SSBP3: variants seen among roughly 807,000 people sequenced by gnomAD.
SSBP3 encodes the protein single stranded DNA binding protein 3.
Under a neutral mutation model 69.6 loss-of-function variants are expected in SSBP3, and 5 were observed. That is an observed-to-expected ratio of 0.07 (90% CI 0.04 to 0.15). The LOEUF (loss-of-function observed/expected upper bound fraction) is 0.15, where lower values mean the gene tolerates loss of function less well. SSBP3 is among the 10% of genes least tolerant of loss of function. The probability of loss-of-function intolerance (pLI) is 1.00; values close to 1 mark genes in which losing one functional copy is unlikely to be tolerated. For synonymous variants in SSBP3, 196 were observed against 193.4 expected (o/e 1.01, Z -0.11); for missense variants, 312 against 534.0 (o/e 0.58, Z 4.10).
At chr1:54,294,600 A>C (rs1569666900) in intron 4 of SSBP3, among the ~76,000 whole-genome samples, 1 of 152,212 alleles carries the variant, frequency 6.6e-6, no homozygotes, top group Admixed American at 6.5e-5. Flanking sequence ...CAGTGGAAGA[A>C]GACAAGACCA....
chr1:54,257,031 C>T (rs1286754843), intron 7 of SSBP3, 96 bp downstream of exon 7: 28 of 1,330,640 alleles, frequency 2.1e-5, no homozygotes, highest in Non-Finnish European at 2.8e-5. Flanking sequence ...CCCTCCACCC[C>T]TCAATCCTTT....
intron 4 of SSBP3, among the ~76,000 whole-genome samples, chr1:54,324,412 G>A (rs1197454744): frequency 1.3e-5 from 2 of 152,092 alleles, no homozygotes; most frequent in Admixed American, 1.3e-4. Context: ...TCTTCCTGAC[G>A]ACAGTCCCCA....
At chr1:54,230,077 G>A (rs1030209791) in intron 14 of SSBP3, among the ~76,000 whole-genome samples, 1 of 152,258 alleles carries the variant, frequency 6.6e-6, no homozygotes, top group Non-Finnish European at 1.5e-5. Context: ...AGGCTACCAA[G>A]TGGGTGGCAG....
chr1:54,307,243 A>G (rs922717302), intron 4 of SSBP3, among the ~76,000 whole-genome samples: 3 of 151,644 alleles, frequency 2.0e-5, no homozygotes, highest in Non-Finnish European at 4.4e-5. Context: ...CTATGGTCCC[A>G]TCATCTTACA....
intron 5 of SSBP3, among the ~76,000 whole-genome samples, chr1:54,259,796 C>T (rs193107094): frequency 1.3e-5 from 2 of 152,300 alleles, no homozygotes; most frequent in South Asian, 2.1e-4. Context: ...CTTGGCCAAG[C>T]GAGGAGCTGC....
intron 5 of SSBP3, among the ~76,000 whole-genome samples, chr1:54,264,416 GCCAC>G (rs1447476149): frequency 6.6e-6 from 1 of 152,218 alleles, no homozygotes; most frequent in East Asian, 1.9e-4. Flanking sequence ...TTCCCCAAAT[GCCAC>G]CCATATTCCT....
At chr1:54,358,969 C>T (rs1295049399) in intron 4 of SSBP3, among the ~76,000 whole-genome samples, 1 of 152,118 alleles carries the variant, frequency 6.6e-6, no homozygotes, top group African/African-American at 2.4e-5. Context: ...CGTCTTCCAC[C>T]CGCCACACTT....
At chr1:54,410,830 TAGTC>T (rs1221303519), upstream of SSBP3, among the ~76,000 whole-genome samples, 2 of 152,158 alleles carry the variant, frequency 1.3e-5, no homozygotes, top group Non-Finnish European at 2.9e-5. Flanking sequence ...ACTAGGCTAT[TAGTC>T]AGTGTTGGCT....
Position 54,401,377 on chromosome 1 carries a change from A to AACAC in SSBP3, c.276+480_276+483dup, listed in dbSNP as rs140889770. ...ATACAGTATGAGCCCACCCACACCA[A>AACAC]ACACACACACACACACACACACACA... On this transcript the variant is annotated intron_variant, in intron 4 of 17. Transcript: ENST00000610401. 2.1e-3 allele frequency among the ~76,000 whole-genome samples: 306 copies of AACAC among 146,972 alleles called. 1 individual carries two copies. The highest frequency in any genetic ancestry group is 6.1e-3 in the African/African-American group (245 of 39,998).
chr1:54,269,546 C>A (rs1234393195), intron 5 of SSBP3, among the ~76,000 whole-genome samples: 1 of 152,156 alleles, frequency 6.6e-6, no homozygotes, highest in African/African-American at 2.4e-5. Flanking sequence ...ATTAATCTAG[C>A]GAATCGGAAC....
upstream of SSBP3, among the ~76,000 whole-genome samples, chr1:54,409,104 C>G (rs72895826): frequency 0.039 from 5,883 of 152,268 alleles, 130 homozygotes; most frequent in East Asian, 0.043. Flanking sequence ...CACCCATGAA[C>G]AGCATTCAAG....
At chr1:54,335,227 T>C (rs1343405255) in intron 4 of SSBP3, among the ~76,000 whole-genome samples, 1 of 152,246 alleles carries the variant, frequency 6.6e-6, no homozygotes, top group Non-Finnish European at 1.5e-5. Context: ...GTGCAAACTG[T>C]TGTCATAAAC....
At chr1:54,295,995 A>G (rs967898430) in intron 4 of SSBP3, among the ~76,000 whole-genome samples, 3 of 152,360 alleles carry the variant, frequency 2.0e-5, no homozygotes, top group African/African-American at 7.2e-5. Flanking sequence ...GGTTCCAAAA[A>G]AGTGGAATCC....
At chr1:54,278,857 C>T (rs1342198579) in intron 5 of SSBP3, among the ~76,000 whole-genome samples, 1 of 152,242 alleles carries the variant, frequency 6.6e-6, no homozygotes, top group Non-Finnish European at 1.5e-5. Context: ...TATTTCCCTT[C>T]TAATATCAGA....
At chr1:54,279,612 C>T (rs1569582824) in intron 5 of SSBP3, among the ~76,000 whole-genome samples, 1 of 152,180 alleles carries the variant, frequency 6.6e-6, no homozygotes, top group Non-Finnish European at 1.5e-5. Context: ...GGTGGGTCCA[C>T]CAGACACGGA....
intron 4 of SSBP3, among the ~76,000 whole-genome samples, chr1:54,301,228 A>G (rs1450398024): frequency 6.6e-6 from 1 of 152,214 alleles, no homozygotes; most frequent in African/African-American, 2.4e-5. Flanking sequence ...AGTTTTCCGC[A>G]ACAGAAGCCT....
chr1:54,262,170 A>G (rs1449273340), intron 5 of SSBP3, among the ~76,000 whole-genome samples: 2 of 152,170 alleles, frequency 1.3e-5, no homozygotes, highest in African/African-American at 4.8e-5. Flanking sequence ...GAGAGTAACA[A>G]TAACAGGGAG....
chr1:54,313,813 C>G (rs1161474148), intron 4 of SSBP3, among the ~76,000 whole-genome samples: 1 of 151,882 alleles, frequency 6.6e-6, no homozygotes, highest in African/African-American at 2.4e-5. Context: ...GTCGCCCAGG[C>G]TGGAGTGCAG....
At chr1:54,403,560 G>A (rs1649459001) in intron 3 of SSBP3, among the ~76,000 whole-genome samples, 1 of 152,170 alleles carries the variant, frequency 6.6e-6, no homozygotes, top group Admixed American at 6.5e-5. Flanking sequence ...GAGGTTGGCA[G>A]AAGTAATTAA....
Sources: allele counts gnomAD v4.1 joint callset (sites outside exome capture counted in the v4.1 genomes callset), GRCh38; gene constraint gnomAD v4.1.1; transcripts MANE v1.5; gene names NCBI Gene and HGNC (gene_info 2026-07-23, HGNC 2026-07-21).